The following NKAIN3 variants were observed in gnomAD, a reference collection of about 807,000 sequenced individuals.
NKAIN3 encodes sodium/potassium-transporting ATPase subunit beta-1-interacting protein 3.
Under a neutral mutation model 30.2 loss-of-function variants are expected in NKAIN3, and 25 were observed. The observed-to-expected ratio is 0.83, with a 90% CI of 0.60 to 1.16. The LOEUF (loss-of-function observed/expected upper bound fraction) is 1.16. NKAIN3 is among the 50% of genes most tolerant of loss of function. NKAIN3 has a pLI of 0.00. For synonymous variants in NKAIN3, 91 were observed against 89.6 expected, an observed-to-expected ratio of 1.02 and a Z score of -0.09; for missense variants, 225 against 254.1, an observed-to-expected ratio of 0.89 and a Z score of 0.78.
chr8:62,533,678 C>G (rs960678122), intron 1 of NKAIN3, among the ~76,000 whole-genome samples: 5 of 152,184 alleles, frequency 3.3e-5, no homozygotes, highest in Non-Finnish European at 7.3e-5. Flanking sequence ...ATTGCTCTCC[C>G]CTTTCCTTGA....
chr8:62,527,730 C>T (rs994277086), intron 1 of NKAIN3, among the ~76,000 whole-genome samples: 1 of 152,110 alleles, frequency 6.6e-6, no homozygotes, highest in Admixed American at 6.6e-5. Context: ...CAGTAATCAA[C>T]ATTAATCAGA....
intron 3 of NKAIN3, among the ~76,000 whole-genome samples, chr8:62,591,823 A>C (rs1050337079): frequency 2.0e-5 from 3 of 152,002 alleles, no homozygotes; most frequent in Non-Finnish European, 2.9e-5. Flanking sequence ...CCTCAATTCC[A>C]GTCTATGGGA....
At chr8:62,819,531 CATTG>C (rs1268904901) in intron 4 of NKAIN3, among the ~76,000 whole-genome samples, 1 of 151,984 alleles carries the variant, frequency 6.6e-6, no homozygotes, top group African/African-American at 2.4e-5. Flanking sequence ...TCATAGATAG[CATTG>C]ATTAATTGTC....
At chr8:62,651,909 T>C (rs1812631706) in intron 3 of NKAIN3, among the ~76,000 whole-genome samples, 1 of 152,134 alleles carries the variant, frequency 6.6e-6, no homozygotes, top group Non-Finnish European at 1.5e-5. Context: ...ATAAGCTTTC[T>C]GAGGCCCTCA....
chr8:62,947,926 C>G (rs923142716), intron 5 of NKAIN3, among the ~76,000 whole-genome samples: 2 of 152,224 alleles, frequency 1.3e-5, no homozygotes, highest in Admixed American at 1.3e-4. Flanking sequence ...CTGCTAGGCT[C>G]TGCTCAGACG....
At chr8:62,803,427 G>T (rs910632749) in intron 4 of NKAIN3, among the ~76,000 whole-genome samples, 2 of 152,262 alleles carry the variant, frequency 1.3e-5, no homozygotes, top group African/African-American at 4.8e-5. Context: ...TCAGACCACA[G>T]TGCAATCAAA....
intron 5 of NKAIN3, among the ~76,000 whole-genome samples, chr8:62,936,090 C>T (rs1290490725): frequency 6.6e-6 from 1 of 151,978 alleles, no homozygotes; most frequent in Non-Finnish European, 1.5e-5. Context: ...TTTTAAAAAG[C>T]AAAAATGTAA....
chr8:62,913,150 ACAT>A (rs1341536238), intron 4 of NKAIN3, among the ~76,000 whole-genome samples: 6 of 56,856 alleles, frequency 1.1e-4, no homozygotes, highest in African/African-American at 8.7e-4. Context: ...TTTGCATTGA[ACAT>A]TTTTTTTTTT....
At chr8:62,802,166 G>A (rs1818089629) in intron 4 of NKAIN3, among the ~76,000 whole-genome samples, 1 of 152,222 alleles carries the variant, frequency 6.6e-6, no homozygotes, top group Admixed American at 6.5e-5. Flanking sequence ...AAGTGACAGG[G>A]AGAATGGAAA....
chr8:62,869,887 C>G (rs1159014680), intron 4 of NKAIN3, among the ~76,000 whole-genome samples: 1 of 151,998 alleles, frequency 6.6e-6, no homozygotes, highest in Non-Finnish European at 1.5e-5. Context: ...CCTGCCTCAG[C>G]CCCCCCGAAG....
intron 3 of NKAIN3, among the ~76,000 whole-genome samples, chr8:62,707,940 A>G (rs988537359): frequency 1.3e-5 from 2 of 152,064 alleles, no homozygotes; most frequent in African/African-American, 4.8e-5. Flanking sequence ...ATTTGCCTAT[A>G]TGTGGCTAGC....
chr8:62,971,139 C>G lies in NKAIN3; in HGVS notation c.*5732C>G, dbSNP rs1823825567. On this transcript the variant is annotated 3_prime_UTR_variant, in exon 7 of 7. Transcript: ENST00000623646. ...ACATGACTCAAAATGGCTGCTGAAG[C>G]TTCAGCCATTGGTTTTGTATTCTGG... is the stretch of plus-strand genomic sequence containing the variant. Among the ~76,000 whole-genome samples, 1 of 152,110 alleles carries G rather than the reference C, an allele frequency of 6.6e-6. No homozygotes were observed. The highest frequency in any genetic ancestry group is 2.1e-4 in the South Asian group (1 of 4,820).
Position 62,312,183 on chromosome 8 carries a change from T to A in NKAIN3, c.54+63056T>A, listed in dbSNP as rs181655001. ...TTTCGAAGACTTCCTTCATGTCTTT[T>A]TGAAATAGATGATATTGATTAATTC... On this transcript the variant is annotated intron_variant, in intron 1 of 6. Coordinates refer to ENST00000623646, the MANE Select transcript of NKAIN3 (RefSeq NM_001304533.3). Among the ~76,000 whole-genome samples, 6 of 150,694 alleles carry A rather than the reference T, an allele frequency of 4.0e-5. 1 individual carries two copies. Among genetic ancestry groups the A allele is most frequent in the Admixed American group, 2.0e-4 (3 of 15,234 alleles).
At chr8:62,742,945 C>G (rs929683751) in intron 3 of NKAIN3, among the ~76,000 whole-genome samples, 14 of 152,066 alleles carry the variant, frequency 9.2e-5, no homozygotes, top group Admixed American at 6.6e-4. Flanking sequence ...AGAATGAGAA[C>G]CAAGCAAAGG....
rs1824168346 is a variant in NKAIN3 at position 62,984,746 on chromosome 8, A to T, written c.*19339A>T. 6.6e-6 allele frequency: 1 copy of T among 152,230 alleles called. No individual in the cohort carries two copies. The highest frequency in any genetic ancestry group is 2.4e-5 in the African/African-American group (1 of 41,462). The allele number at this position is 152,230 out of a possible 1,614,324, so 9.4% of individuals were successfully genotyped here. ...TTTGTGCATATAATGCCTGTATATT[A>T]TACTCATATTTGAAAGTGATCAGAA... On this transcript the variant is annotated 3_prime_UTR_variant, in exon 7 of 7. Coordinates refer to ENST00000623646, the MANE Select transcript of NKAIN3 (RefSeq NM_001304533.3).
intron 1 of NKAIN3, among the ~76,000 whole-genome samples, chr8:62,454,546 C>T (rs976637728): frequency 2.0e-5 from 3 of 152,094 alleles, no homozygotes; most frequent in Admixed American, 2.0e-4. Context: ...ATTGAACTGT[C>T]ATTCATGCCC....
At chr8:62,562,733 A>G (rs944865068) in intron 1 of NKAIN3, among the ~76,000 whole-genome samples, 1 of 152,186 alleles carries the variant, frequency 6.6e-6, no homozygotes. Flanking sequence ...AAGTACTTTC[A>G]CACGTACAAG....
chr8:62,404,359 A>G (rs1158704534), intron 1 of NKAIN3, among the ~76,000 whole-genome samples: 1 of 152,142 alleles, frequency 6.6e-6, no homozygotes, highest in Admixed American at 6.5e-5. Flanking sequence ...GAGGAATGAT[A>G]TGGTTTTGCT....
At chr8:62,443,140 T>C (rs889170191) in intron 1 of NKAIN3, among the ~76,000 whole-genome samples, 1 of 151,950 alleles carries the variant, frequency 6.6e-6, no homozygotes, top group Non-Finnish European at 1.5e-5. Flanking sequence ...CTTTTTTCTT[T>C]ATCAGTTTCT....
Sources: gnomAD v4.1 joint callset for allele counts (sites outside exome capture counted in the v4.1 genomes callset) on GRCh38, gnomAD v4.1.1 for gene constraint, MANE v1.5 for transcripts, NCBI Gene and HGNC (gene_info 2026-07-23, HGNC 2026-07-21) for gene names.